Variants in DLG2 observed in about 807,000 individuals in gnomAD.
The protein encoded by DLG2 is discs large MAGUK scaffold protein 2.
In DLG2, 45 loss-of-function variants were observed where a neutral mutation model predicts 132.5. That is an observed-to-expected ratio of 0.34 (90% CI 0.27 to 0.44). The LOEUF (loss-of-function observed/expected upper bound fraction) is 0.44. Ranked by LOEUF, DLG2 falls within the 20% of genes least tolerant of loss-of-function variation. The pLI is 1.00. For synonymous variants in DLG2, 424 were observed against 419.6 expected, an observed-to-expected ratio of 1.01 and a Z score of -0.13; for missense variants, 1,045 against 1,196.9, an observed-to-expected ratio of 0.87 and a Z score of 1.87.
intron 4 of DLG2, among the ~76,000 whole-genome samples, chr11:85,180,313 T>C (rs2079604503): frequency 6.6e-6 from 1 of 151,886 alleles, no homozygotes; most frequent in Non-Finnish European, 1.5e-5. Context: ...TATTTCTGTA[T>C]TTTCTACAGT....
At chr11:84,582,622 G>A (rs951659350) in intron 6 of DLG2, among the ~76,000 whole-genome samples, 2 of 151,420 alleles carry the variant, frequency 1.3e-5, no homozygotes, top group African/African-American at 2.4e-5. Flanking sequence ...TAAATTATGG[G>A]ACAGTTATAG....
chr11:84,321,099 A>G (rs182154045), intron 7 of DLG2, among the ~76,000 whole-genome samples: 2 of 152,332 alleles, frequency 1.3e-5, no homozygotes, highest in Non-Finnish European at 2.9e-5. Context: ...TCATCCTTCA[A>G]GATTAAACTA....
chr11:85,417,526 C>A (rs1441267131), intron 3 of DLG2, among the ~76,000 whole-genome samples: 1 of 152,160 alleles, frequency 6.6e-6, no homozygotes, highest in African/African-American at 2.4e-5. Context: ...ATGACACCAG[C>A]TCCTCTTTAT....
intron 6 of DLG2, among the ~76,000 whole-genome samples, chr11:84,681,682 C>A (rs1293617908): frequency 6.6e-6 from 1 of 152,050 alleles, no homozygotes; most frequent in Non-Finnish European, 1.5e-5. Context: ...CATCTGCAGT[C>A]AGTAATCACT....
chr11:84,668,925 TTC>T, intron 6 of DLG2, among the ~76,000 whole-genome samples: 1 of 152,166 alleles, frequency 6.6e-6, no homozygotes, highest in East Asian at 1.9e-4. Flanking sequence ...CCAGGCACTG[TTC>T]TAGGTACCAG....
intron 6 of DLG2, among the ~76,000 whole-genome samples, chr11:85,084,166 A>G (rs1017338093): frequency 1.3e-5 from 2 of 152,188 alleles, no homozygotes; most frequent in Non-Finnish European, 2.9e-5. Flanking sequence ...GAAACACTTA[A>G]AGGATATTAT....
chr11:84,136,866 T>C (rs1281302240), intron 9 of DLG2, among the ~76,000 whole-genome samples: 1 of 152,170 alleles, frequency 6.6e-6, no homozygotes, highest in Admixed American at 6.6e-5. Flanking sequence ...CTTACTCTAC[T>C]CATACAAAGT....
At chr11:84,263,028 T>C (rs987918600) in intron 7 of DLG2, among the ~76,000 whole-genome samples, 2 of 152,148 alleles carry the variant, frequency 1.3e-5, no homozygotes, top group African/African-American at 4.8e-5. Flanking sequence ...ATTATGTTCC[T>C]AATATAAAGA....
intron 11 of DLG2, among the ~76,000 whole-genome samples, chr11:83,994,243 C>T (rs1044083922): frequency 1.1e-4 from 17 of 152,132 alleles, no homozygotes; most frequent in African/African-American, 3.9e-4. Flanking sequence ...TACGTAGCTG[C>T]CATAAATAAC....
chr11:84,973,564 T>C (rs1300266220), intron 6 of DLG2, among the ~76,000 whole-genome samples: 1 of 152,224 alleles, frequency 6.6e-6, no homozygotes, highest in East Asian at 1.9e-4. Flanking sequence ...AAGTGCATTA[T>C]TAATTTCATT....
intron 6 of DLG2, among the ~76,000 whole-genome samples, chr11:85,038,022 G>A (rs2061558728): frequency 6.6e-6 from 1 of 152,014 alleles, no homozygotes; most frequent in African/African-American, 2.4e-5. Context: ...AGGAATCTGG[G>A]TCCCCTTACT....
Position 84,094,713 on chromosome 11 carries a change from C to T in DLG2, c.749+4210G>A, listed in dbSNP as rs142382764. ...TTTTACAGAGACATGCAGGAGTACT[C>T]CACCTTCAAAACCTAATCATCTCTC... On this transcript the variant is annotated intron_variant, in intron 10 of 27. Coordinates refer to ENST00000376104, the MANE Select transcript of DLG2 (RefSeq NM_001142699.3). 3.0e-3 allele frequency among the ~76,000 whole-genome samples: 451 copies of T among 152,236 alleles called. 3 individuals are homozygous for T. The highest frequency in any genetic ancestry group is 0.011 in the African/African-American group (439 of 41,516).
chr11:85,260,234 G>A (rs1334590622), intron 4 of DLG2, among the ~76,000 whole-genome samples: 1 of 152,168 alleles, frequency 6.6e-6, no homozygotes, highest in East Asian at 1.9e-4. Flanking sequence ...CACAGTATAA[G>A]TACTCAGGCA....
intron 6 of DLG2, among the ~76,000 whole-genome samples, chr11:84,815,925 T>C (rs995443432): frequency 3.9e-5 from 6 of 152,060 alleles, no homozygotes; most frequent in Non-Finnish European, 7.4e-5. Context: ...CAGGCTCCAA[T>C]GTAGCAATTG....
intron 11 of DLG2, among the ~76,000 whole-genome samples, chr11:84,026,970 AT>A (rs1183090230): frequency 1.3e-5 from 2 of 152,008 alleles, no homozygotes; most frequent in Admixed American, 6.6e-5. Context: ...TTATTATTAT[AT>A]TTTTTAGGCC....
chr11:84,578,674 G>C (rs1398805440), intron 6 of DLG2, among the ~76,000 whole-genome samples: 1 of 152,108 alleles, frequency 6.6e-6, no homozygotes, highest in Non-Finnish European at 1.5e-5. Flanking sequence ...TAGGCAGAAG[G>C]GACTTGCCTT....
intron 6 of DLG2, among the ~76,000 whole-genome samples, chr11:85,007,096 G>C (rs950727851): frequency 6.6e-6 from 1 of 151,964 alleles, no homozygotes; most frequent in African/African-American, 2.4e-5. Flanking sequence ...GAAACTCCGT[G>C]AATTAGAAGT....
chr11:85,013,547 A>T (rs1483881238), intron 6 of DLG2, among the ~76,000 whole-genome samples: 2 of 152,198 alleles, frequency 1.3e-5, no homozygotes, highest in Non-Finnish European at 2.9e-5. Context: ...ACAGGAGAAA[A>T]CAAATTATCA....
chr11:84,622,727 A>G (rs1030447697), intron 6 of DLG2, among the ~76,000 whole-genome samples: 2 of 152,156 alleles, frequency 1.3e-5, no homozygotes, highest in African/African-American at 4.8e-5. Context: ...AACATTAGAC[A>G]TGGTCAAAGA....
Sources: allele counts gnomAD v4.1 joint callset (sites outside exome capture counted in the v4.1 genomes callset), GRCh38; gene constraint gnomAD v4.1.1; transcripts MANE v1.5; gene names NCBI Gene and HGNC (gene_info 2026-07-23, HGNC 2026-07-21).